ROR1: variants seen among roughly 807,000 people sequenced by gnomAD.
The protein encoded by ROR1 is inactive tyrosine-protein kinase transmembrane receptor ROR1.
Under a neutral mutation model 78.8 loss-of-function variants are expected in ROR1, and 19 were observed. The ratio of observed to expected loss-of-function variants is 0.24; its 90% CI spans 0.17 to 0.35. ROR1 has a LOEUF of 0.35. ROR1 is among the 10% of genes least tolerant of loss of function. The pLI is 1.00. For synonymous variants in ROR1, 386 were observed against 433.6 expected, an observed-to-expected ratio of 0.89 and a Z score of 1.36; for missense variants, 917 against 1,177.8, an observed-to-expected ratio of 0.78 and a Z score of 3.24.
chr1:63,810,345 T>A (rs1048687595), intron 1 of ROR1, among the ~76,000 whole-genome samples: 3 of 152,196 alleles, frequency 2.0e-5, no homozygotes, highest in African/African-American at 7.2e-5. Context: ...TGTCTAGCCC[T>A]GAATCTCTTA....
intron 4 of ROR1, among the ~76,000 whole-genome samples, chr1:64,051,529 A>G (rs1318750031): frequency 6.6e-6 from 1 of 152,012 alleles, no homozygotes; most frequent in East Asian, 1.9e-4. Context: ...TACACTGGGA[A>G]AGAAAGTCCC....
intron 1 of ROR1, among the ~76,000 whole-genome samples, chr1:63,861,642 C>T (rs1645182581): frequency 6.6e-6 from 1 of 152,190 alleles, no homozygotes; most frequent in Admixed American, 6.5e-5. Context: ...GTATGTCTTT[C>T]TGCATCTGTG....
chr1:63,963,766 G>T lies in ROR1; in HGVS notation c.92-45539G>T, dbSNP rs116819220. On this transcript the variant is annotated intron_variant, in intron 1 of 8. Coordinates refer to ENST00000371079, the MANE Select transcript of ROR1 (RefSeq NM_005012.4). ...GTAGAAGTGTTTTCTGGAACCCCAA[G>T]AAAGACTCCTAAAAGGTGAAGAGGA... Among the ~76,000 whole-genome samples, 895 of 152,130 alleles carry T rather than the reference G, an allele frequency of 5.9e-3. 8 individuals are homozygous for T. Among genetic ancestry groups the T allele is most frequent in the African/African-American group, 0.021 (865 of 41,518 alleles).
intron 1 of ROR1, among the ~76,000 whole-genome samples, chr1:63,957,765 C>G (rs542773375): frequency 1.4e-5 from 2 of 145,208 alleles, no homozygotes; most frequent in East Asian, 4.1e-4. Flanking sequence ...TTTTTGGAGA[C>G]AGAGTCTCAC....
At chr1:64,085,362 G>A (rs1227551445) in intron 4 of ROR1, among the ~76,000 whole-genome samples, 1 of 152,122 alleles carries the variant, frequency 6.6e-6, no homozygotes, top group East Asian at 1.9e-4. Context: ...TGCGTTGGGT[G>A]CTATGGAACC....
chr1:64,062,461 G>A (rs568266779), intron 4 of ROR1, among the ~76,000 whole-genome samples: 4 of 152,092 alleles, frequency 2.6e-5, no homozygotes, highest in Admixed American at 6.5e-5. Context: ...ACAGGCGCCC[G>A]CCACCATGCC....
At chr1:63,876,755 G>A (rs563783024) in intron 1 of ROR1, among the ~76,000 whole-genome samples, 19 of 148,130 alleles carry the variant, frequency 1.3e-4, no homozygotes, top group South Asian at 6.5e-4. Context: ...TCTTTTTGTC[G>A]TTTCAAGGCT....
chr1:63,998,286 GGT>G (rs1491238418), intron 1 of ROR1, among the ~76,000 whole-genome samples: 1 of 149,518 alleles, frequency 6.7e-6, no homozygotes, highest in African/African-American at 2.5e-5. Flanking sequence ...GGTAATTTAA[GGT>G]TTTTTTTTTT....
intron 8 of ROR1, among the ~76,000 whole-genome samples, chr1:64,164,029 C>A (rs1650018244): frequency 7.7e-6 from 1 of 129,678 alleles, no homozygotes; most frequent in African/African-American, 2.5e-5. Flanking sequence ...TAACCACCAT[C>A]CTGAAATATA....
At chr1:63,936,003 TGA>T (rs1645791442) in intron 1 of ROR1, among the ~76,000 whole-genome samples, 1 of 152,210 alleles carries the variant, frequency 6.6e-6, no homozygotes, top group Non-Finnish European at 1.5e-5. Context: ...CTGGCATTTC[TGA>T]GAGGGTGAAA....
intron 1 of ROR1, among the ~76,000 whole-genome samples, chr1:63,971,023 A>C (rs1410033149): frequency 2.0e-5 from 3 of 152,226 alleles, no homozygotes; most frequent in Non-Finnish European, 2.9e-5. Flanking sequence ...CCTCTCACTC[A>C]GACAGTATCC....
At position 64,171,154 on chromosome 1, in the gene ROR1, C is replaced by T. The variant is rs190902782; in HGVS notation, c.1387-6274C>T. 5.0e-3 allele frequency: 841 copies of T among 169,208 alleles called. 9 individuals are homozygous for T. Among genetic ancestry groups the T allele is most frequent in the Middle Eastern group, 0.028 (10 of 362 alleles). The allele number at this position is 169,208 out of a possible 1,614,324, so 10.5% of individuals were successfully genotyped here. A position where few individuals can be genotyped will look rare whatever the true frequency, so the allele number is the denominator to read the frequency against. Reference sequence around the variant, plus strand: ...TTTACAATATTAGTCCATTTTCACACTGCTGATAAAGACACACCTGAGACT... The same window carrying T: ...TTTACAATATTAGTCCATTTTCACATTGCTGATAAAGACACACCTGAGACT... On this transcript the variant is annotated intron_variant, in intron 8 of 8. Transcript: ENST00000371079.
intron 7 of ROR1, chr1:64,143,180 C>T (rs1649377491): frequency 1.0e-6 from 1 of 989,296 alleles, no homozygotes; most frequent in South Asian, 4.6e-5. Flanking sequence ...AAATGGAATT[C>T]CTGAGTCAGT....
chr1:64,135,025 G>A (rs1181377102), intron 4 of ROR1, among the ~76,000 whole-genome samples: 4 of 151,912 alleles, frequency 2.6e-5, no homozygotes, highest in East Asian at 1.9e-4. Flanking sequence ...CTGCCAAGGC[G>A]ATTCTCATAA....
intron 7 of ROR1, among the ~76,000 whole-genome samples, chr1:64,158,543 G>A (rs1649839020): frequency 2.0e-5 from 3 of 152,174 alleles, no homozygotes; most frequent in African/African-American, 7.2e-5. Context: ...CCAAGACAAG[G>A]TCATGATTTC....
chr1:64,101,841 C>A (rs1484435151), intron 4 of ROR1, among the ~76,000 whole-genome samples: 1 of 152,148 alleles, frequency 6.6e-6, no homozygotes, highest in African/African-American at 2.4e-5. Flanking sequence ...GCAAACGGGA[C>A]AGCTAACCTA....
At chr1:63,960,727 C>T (rs954283275) in intron 1 of ROR1, among the ~76,000 whole-genome samples, 1 of 152,138 alleles carries the variant, frequency 6.6e-6, no homozygotes, top group Non-Finnish European at 1.5e-5. Flanking sequence ...GAACTCTCAG[C>T]CTTTCCATTC....
chr1:63,875,171 A>G (rs1458271845), intron 1 of ROR1, among the ~76,000 whole-genome samples: 1 of 152,134 alleles, frequency 6.6e-6, no homozygotes, highest in Non-Finnish European at 1.5e-5. Context: ...TTCATTTGTA[A>G]AGTCAGGGGT....
chr1:63,843,037 T>TG (rs1645058461), intron 1 of ROR1, among the ~76,000 whole-genome samples: 1 of 150,706 alleles, frequency 6.6e-6, no homozygotes, highest in Non-Finnish European at 1.5e-5. Flanking sequence ...ATCCAGGGAG[T>TG]GGGGGGATCT....
Sources: gnomAD v4.1 joint callset for allele counts (sites outside exome capture counted in the v4.1 genomes callset) on GRCh38, gnomAD v4.1.1 for gene constraint, MANE v1.5 for transcripts, NCBI Gene and HGNC (gene_info 2026-07-23, HGNC 2026-07-21) for gene names.